CACNA1A: variants seen among roughly 807,000 people sequenced by gnomAD.
The protein encoded by CACNA1A is calcium voltage-gated channel subunit alpha1 A.
A neutral mutation model predicts 262.4 loss-of-function variants in CACNA1A; 57 were observed. The observed-to-expected ratio is 0.22, with a 90% CI of 0.18 to 0.27. The LOEUF (loss-of-function observed/expected upper bound fraction) is 0.27, where lower values mean the gene tolerates loss of function less well. CACNA1A is among the 10% of genes least tolerant of loss of function. The pLI, the probability that CACNA1A is intolerant of heterozygous loss-of-function variation, is 1.00. For missense variants in CACNA1A, 2,526 were observed against 3,562.8 expected (o/e 0.71, Z 7.41); for synonymous variants, 1,431 against 1,419.3 (o/e 1.01, Z -0.18).
intron 30 of CACNA1A, among the ~76,000 whole-genome samples, chr19:13,252,095 T>G (rs1052193857): frequency 2.2e-4 from 33 of 149,896 alleles, no homozygotes; most frequent in Non-Finnish European, 3.6e-4. Flanking sequence ...GATGGAGTCT[T>G]GCTGTTGCCC....
At chr19:13,395,143 G>A (rs745944826) in intron 3 of CACNA1A, among the ~76,000 whole-genome samples, 17 of 151,170 alleles carry the variant, frequency 1.1e-4, no homozygotes, top group Non-Finnish European at 1.8e-4. Flanking sequence ...GCATGGTGGC[G>A]CGCACCTCTA....
chr19:13,331,514 G>C (rs2058468423), intron 9 of CACNA1A, among the ~76,000 whole-genome samples: 1 of 152,168 alleles, frequency 6.6e-6, no homozygotes, highest in Non-Finnish European at 1.5e-5. Flanking sequence ...TGGGATTACA[G>C]GCATGAGCCA....
At chr19:13,259,766 T>G in intron 26 of CACNA1A, 65 bp from the exon 27 acceptor site, 2 of 1,568,676 alleles carry the variant, frequency 1.3e-6, no homozygotes, top group Non-Finnish European at 1.7e-6. Context: ...TTGTCTTTGG[T>G]TATCAGAGAC....
At chr19:13,278,486 C>T (rs2057205135) in intron 22 of CACNA1A, among the ~76,000 whole-genome samples, 1 of 152,174 alleles carries the variant, frequency 6.6e-6, no homozygotes, top group East Asian at 1.9e-4. Context: ...ACTCCCCTGA[C>T]CGGCTGTTTA....
chr19:13,461,490 A>AC (rs1239514775), intron 1 of CACNA1A, among the ~76,000 whole-genome samples: 1 of 152,178 alleles, frequency 6.6e-6, no homozygotes, highest in African/African-American at 2.4e-5. Flanking sequence ...ACACAATGAA[A>AC]CCCCCTGAAA....
intron 3 of CACNA1A, among the ~76,000 whole-genome samples, chr19:13,391,777 C>T (rs567010637): frequency 1.3e-5 from 2 of 152,160 alleles, no homozygotes; most frequent in South Asian, 2.1e-4. Context: ...TGGCTCACAC[C>T]TGTAATCCCA....
At position 13,230,162 on chromosome 19, in the gene CACNA1A, G is replaced by A; in HGVS notation, c.5448C>T (p.Leu1816=). The change falls in exon 36 of 47, where the codon CTC becomes CTT. Residue 1816 remains leucine (L), a synonymous_variant. Coordinates refer to ENST00000360228, the MANE Select transcript of CACNA1A (RefSeq NM_001127222.2). Reference sequence around the variant, plus strand: ...GGCCCAGGATGGAGGAGTCTCGGGTGAGGTACTCAAAGTTGTCCATGATGA... The same window carrying A: ...GGCCCAGGATGGAGGAGTCTCGGGTAAGGTACTCAAAGTTGTCCATGATGA... ...VAVIMDNFEY[L]TRDSSILGPH... 1 of 1,613,936 alleles carries A rather than the reference G, an allele frequency of 6.2e-7. No individual in the cohort carries two copies. Among genetic ancestry groups the A allele is most frequent in the Non-Finnish European group, 8.5e-7 (1 of 1,179,878 alleles).
chr19:13,304,845 A>C (rs2057869312), intron 15 of CACNA1A, among the ~76,000 whole-genome samples: 1 of 152,068 alleles, frequency 6.6e-6, no homozygotes. Flanking sequence ...GAGAGAATAA[A>C]TGTTTCCTGT....
At chr19:13,259,409 T>C in intron 27 of CACNA1A, 155 bp downstream of exon 27, 2 of 338,968 alleles carry the variant, frequency 5.9e-6, no homozygotes, top group Non-Finnish European at 1.0e-5. Context: ...TGGCCTCAAG[T>C]GATACATCTG....
rs561408129 is a variant in CACNA1A, at chr19:13,425,353, A to G, written c.539+27523T>C. On this transcript the variant is annotated intron_variant, in intron 3 of 46. Transcript: ENST00000360228. ...TCTAACCCATGGAACTGCTGCTTCA[A>G]GTTTTATGGCCTCCTAGGGAGCAGG... Among the ~76,000 whole-genome samples, 11 of 152,238 alleles carry G rather than the reference A, an allele frequency of 7.2e-5. No homozygotes were observed. In the South Asian group the frequency reaches 2.3e-3, roughly 32 times the overall value.
chr19:13,484,737 CT>C (rs1979773585), intron 1 of CACNA1A, among the ~76,000 whole-genome samples: 1 of 152,200 alleles, frequency 6.6e-6, no homozygotes, highest in African/African-American at 2.4e-5. Context: ...TCCTAAGCAC[CT>C]TCCACAGGAC....
chr19:13,479,122 C>T (rs1978936997), intron 1 of CACNA1A, among the ~76,000 whole-genome samples: 1 of 152,082 alleles, frequency 6.6e-6, no homozygotes. Context: ...TGCAGTGAGC[C>T]CAGATCGTGC....
chr19:13,300,630 C>G lies in CACNA1A; in HGVS notation c.2199G>C (p.Ala733=), dbSNP rs1463843521. The G allele has an allele frequency of 6.2e-7, 1 of 1,613,808 alleles. No individual in the cohort carries two copies. The highest frequency in any genetic ancestry group is 8.5e-7 in the Non-Finnish European group (1 of 1,179,848). Residue 733 remains alanine (A), a synonymous_variant, in exon 18 of 47, where the codon GCG becomes GCC. Coordinates refer to ENST00000360228, the MANE Select transcript of CACNA1A (RefSeq NM_001127222.2). ...CTTTCTGTAGGGCAAGTTTCTGGTTCGCTGCTTCTTCTTCCTCTTGCTCGT... is the reference window on the plus strand; with the variant it reads ...CTTTCTGTAGGGCAAGTTTCTGGTTGGCTGCTTCTTCTTCCTCTTGCTCGT... ...TKDEQEEEEA[A]NQKLALQKAK...
intron 1 of CACNA1A, among the ~76,000 whole-genome samples, chr19:13,471,037 C>G (rs1365839645): frequency 1.3e-5 from 2 of 152,162 alleles, no homozygotes; most frequent in African/African-American, 4.8e-5. Flanking sequence ...CTTGCCTCTT[C>G]CCGCTTTTGG....
At chr19:13,405,086 G>A (rs1568613191) in intron 3 of CACNA1A, among the ~76,000 whole-genome samples, 1 of 151,898 alleles carries the variant, frequency 6.6e-6, no homozygotes, top group East Asian at 1.9e-4. Flanking sequence ...TTAGTAGATG[G>A]GGTTTCACCA....
At chr19:13,383,907 C>T (rs1275250426) in intron 3 of CACNA1A, among the ~76,000 whole-genome samples, 6 of 152,224 alleles carry the variant, frequency 3.9e-5, no homozygotes, top group African/African-American at 1.2e-4. Flanking sequence ...CTTGACCTCT[C>T]AGGCTCAAGC....
intron 3 of CACNA1A, among the ~76,000 whole-genome samples, chr19:13,413,339 C>A (rs1265547236): frequency 6.6e-6 from 1 of 151,310 alleles, no homozygotes. Context: ...ATCTCCTGAC[C>A]TCGTGATCCG....
intron 17 of CACNA1A, among the ~76,000 whole-genome samples, chr19:13,300,949 T>TC (rs60929478): frequency 6.6e-6 from 1 of 151,940 alleles, no homozygotes; most frequent in Non-Finnish European, 1.5e-5. Flanking sequence ...TATTTTTTTT[T>TC]CTTTTGTTTG....
At chr19:13,323,203 G>A (rs1049238900) in intron 10 of CACNA1A, among the ~76,000 whole-genome samples, 3 of 152,166 alleles carry the variant, frequency 2.0e-5, no homozygotes, top group Admixed American at 6.5e-5. Flanking sequence ...AGGTTGCAGT[G>A]AGCTGAGATC....
Sources: gnomAD v4.1 joint callset for allele counts (sites outside exome capture counted in the v4.1 genomes callset) on GRCh38, gnomAD v4.1.1 for gene constraint, MANE v1.5 for transcripts, NCBI Gene and HGNC (gene_info 2026-07-23, HGNC 2026-07-21) for gene names.